The following VPS13B variants were observed in gnomAD, a reference collection of about 807,000 sequenced individuals.
VPS13B encodes the protein intermembrane lipid transfer protein VPS13B.
Under a neutral mutation model 426.4 loss-of-function variants are expected in VPS13B, and 285 were observed. That is an observed-to-expected ratio of 0.67 (90% confidence interval 0.61 to 0.74). The LOEUF (loss-of-function observed/expected upper bound fraction) is 0.74. Among genes scored for constraint, VPS13B ranks in the 30% least tolerant of loss-of-function variants. The pLI is 0.00. For synonymous variants in VPS13B, 1,676 were observed against 1,676.4 expected, an observed-to-expected ratio of 1.00 and a Z score of 0.01; for missense variants, 4,537 against 4,782.6, an observed-to-expected ratio of 0.95 and a Z score of 1.51.
intron 23 of VPS13B, among the ~76,000 whole-genome samples, chr8:99,453,729 A>AT (rs898222716): frequency 9.2e-5 from 14 of 152,138 alleles, no homozygotes; most frequent in African/African-American, 1.4e-4. Context: ...TTTTTAGACT[A>AT]TTTTTTTAAA....
intron 19 of VPS13B, among the ~76,000 whole-genome samples, chr8:99,275,979 T>C (rs1344370530): frequency 6.6e-6 from 1 of 152,180 alleles, no homozygotes; most frequent in Non-Finnish European, 1.5e-5. Context: ...ACATTTTCTC[T>C]CTAGAAGTAA....
chr8:99,788,840 T>C (rs1484325122), intron 43 of VPS13B, among the ~76,000 whole-genome samples: 1 of 152,192 alleles, frequency 6.6e-6, no homozygotes, highest in African/African-American at 2.4e-5. Flanking sequence ...CAACACTTGC[T>C]TTAAGACTTC....
intron 19 of VPS13B, among the ~76,000 whole-genome samples, chr8:99,286,995 C>T (rs1293565085): frequency 6.6e-6 from 1 of 152,116 alleles, no homozygotes; most frequent in East Asian, 1.9e-4. Context: ...AGGTTCCTTT[C>T]AGCCAGCTGC....
intron 4 of VPS13B, among the ~76,000 whole-genome samples, chr8:99,097,098 A>T (rs1846469646): frequency 6.6e-6 from 1 of 152,222 alleles, no homozygotes; most frequent in Admixed American, 6.5e-5. Context: ...CAGGGATATT[A>T]CTTATGACTT....
intron 23 of VPS13B, among the ~76,000 whole-genome samples, chr8:99,466,750 G>A (rs1226923557): frequency 1.3e-5 from 2 of 152,108 alleles, no homozygotes; most frequent in Non-Finnish European, 2.9e-5. Flanking sequence ...CGTACCATCA[G>A]AGATTTTGAT....
At chr8:99,152,384 T>C (rs1811122134) in intron 14 of VPS13B, among the ~76,000 whole-genome samples, 1 of 152,242 alleles carries the variant, frequency 6.6e-6, no homozygotes, top group Non-Finnish European at 1.5e-5. Flanking sequence ...TGATTTCTTT[T>C]AAATTTGTTT....
At chr8:99,339,896 T>C (rs571650508) in intron 19 of VPS13B, among the ~76,000 whole-genome samples, 2 of 152,268 alleles carry the variant, frequency 1.3e-5, no homozygotes, top group Admixed American at 6.5e-5. Context: ...GTCTCATCAA[T>C]AGAATAAAAA....
chr8:99,742,002 C>G (rs991741139), intron 39 of VPS13B, among the ~76,000 whole-genome samples: 1 of 152,050 alleles, frequency 6.6e-6, no homozygotes, highest in Non-Finnish European at 1.5e-5. Context: ...AATAGAGACA[C>G]AAAAAACCCT....
At chr8:99,566,962 C>T (rs1825220240) in intron 31 of VPS13B, among the ~76,000 whole-genome samples, 1 of 152,080 alleles carries the variant, frequency 6.6e-6, no homozygotes, top group African/African-American at 2.4e-5. Context: ...GTGTTGTGAT[C>T]ATAGTTCACT....
intron 34 of VPS13B, among the ~76,000 whole-genome samples, chr8:99,651,728 G>A (rs1419579528): frequency 9.2e-5 from 14 of 152,174 alleles, no homozygotes; most frequent in Admixed American, 8.5e-4. Context: ...ATTGCCTCAT[G>A]TCTTGACTAT....
chr8:99,057,618 C>T (rs1182516239), intron 3 of VPS13B, among the ~76,000 whole-genome samples: 2 of 152,090 alleles, frequency 1.3e-5, no homozygotes, highest in African/African-American at 4.8e-5. Context: ...TTTTAGGGGT[C>T]AGTCTTTTTT....
At chr8:99,480,430 A>G (rs1188846117) in intron 24 of VPS13B, among the ~76,000 whole-genome samples, 6 of 152,246 alleles carry the variant, frequency 3.9e-5, no homozygotes, top group Admixed American at 3.3e-4. Flanking sequence ...GCTTTTTGTT[A>G]TTGTTGTTTG....
intron 17 of VPS13B, among the ~76,000 whole-genome samples, chr8:99,212,892 G>C (rs370292025): frequency 1.2e-4 from 18 of 152,122 alleles, no homozygotes; most frequent in Middle Eastern, 3.4e-3. Flanking sequence ...ACCCCATAAA[G>C]TTTCTAGGCT....
intron 34 of VPS13B, among the ~76,000 whole-genome samples, chr8:99,649,160 G>A (rs1285389450): frequency 1.3e-5 from 2 of 151,920 alleles, no homozygotes; most frequent in East Asian, 3.8e-4. Flanking sequence ...CTTATCTTTA[G>A]TTTTCTGTAG....
In VPS13B at chr8:99,539,007, GTGCCTGCAT is replaced by G. The variant is rs562638574; in HGVS notation, c.4746-17441_4746-17433del. On this transcript the variant is annotated intron_variant, in intron 30 of 61. Coordinates refer to ENST00000357162, the MANE Select transcript of VPS13B (RefSeq NM_152564.5). ...TTTATGTCCTCAGTGTAGCAATGTA[GTGCCTGCAT>G]TTATTTTATTCCATAAGAAAGTATT... Among the ~76,000 whole-genome samples, 257 of 152,236 alleles carry G rather than the reference GTGCCTGCAT, an allele frequency of 1.7e-3. 1 individual carries two copies. The highest frequency in any genetic ancestry group is 6.1e-3 in the African/African-American group (252 of 41,548).
At chr8:99,611,117 A>G (rs1827830344) in intron 33 of VPS13B, among the ~76,000 whole-genome samples, 1 of 152,204 alleles carries the variant, frequency 6.6e-6, no homozygotes, top group Non-Finnish European at 1.5e-5. Context: ...AACAACTTAA[A>G]GAAATATTTT....
At chr8:99,074,753 A>G (rs1015956155) in intron 3 of VPS13B, among the ~76,000 whole-genome samples, 15 of 151,876 alleles carry the variant, frequency 9.9e-5, no homozygotes, top group African/African-American at 3.6e-4. Flanking sequence ...CTCCTGCCTC[A>G]ATCTCCTGAG....
At chr8:99,155,056 A>G (rs552473937) in intron 14 of VPS13B, among the ~76,000 whole-genome samples, 4 of 152,232 alleles carry the variant, frequency 2.6e-5, no homozygotes, top group African/African-American at 9.6e-5. Flanking sequence ...AAGATTTCCA[A>G]AGAGACCTCA....
At chr8:99,376,085 G>A (rs1447190112) in intron 19 of VPS13B, among the ~76,000 whole-genome samples, 3 of 152,178 alleles carry the variant, frequency 2.0e-5, no homozygotes, top group Non-Finnish European at 2.9e-5. Context: ...AATGGGTGAA[G>A]GCTGAGAAGA....
Sources: allele counts gnomAD v4.1 joint callset (sites outside exome capture counted in the v4.1 genomes callset), GRCh38; gene constraint gnomAD v4.1.1; transcripts MANE v1.5; gene names NCBI Gene and HGNC (gene_info 2026-07-23, HGNC 2026-07-21).